Variants in HPGDS observed in about 807,000 individuals in gnomAD.
HPGDS encodes hematopoietic prostaglandin D synthase, also known as GST class-sigma.
Under a neutral mutation model 23.1 loss-of-function variants are expected in HPGDS, and 26 were observed. The observed-to-expected ratio is 1.13, with a 90% CI of 0.83 to 1.56. The LOEUF (loss-of-function observed/expected upper bound fraction) is 1.56, where lower values mean the gene tolerates loss of function less well. Ranked by LOEUF, HPGDS falls within the 40% of genes most tolerant of loss-of-function variation. The pLI is 0.00. For missense variants in HPGDS, 268 were observed against 236.4 expected (o/e 1.13, Z -0.88); for synonymous variants, 95 against 77.9 (o/e 1.22, Z -1.16).
rs115615750 is a variant in HPGDS, at chr4:94,335,652, A to T, written c.-9-1014T>A. On this transcript the variant is annotated intron_variant, in intron 1 of 5. Coordinates refer to ENST00000295256, the MANE Select transcript of HPGDS (RefSeq NM_014485.3). ...ATATAAGGTACGTAGCACAATGGCA[A>T]ACTTAATCATTAGCATCAGTAATAA... Among the ~76,000 whole-genome samples the T allele has an allele frequency of 7.8e-3, 1,184 of 152,300 alleles. 10 individuals are homozygous for T. Among genetic ancestry groups the T allele is most frequent in the African/African-American group, 0.027 (1,122 of 41,538 alleles).
chr4:94,314,903 T>A (rs1239076157), intron 3 of HPGDS, among the ~76,000 whole-genome samples: 1 of 152,210 alleles, frequency 6.6e-6, no homozygotes, highest in Non-Finnish European at 1.5e-5. Context: ...GTGCTAGCAA[T>A]GAGCAAGGCT....
At chr4:94,310,468 C>T (rs1406086246) in intron 3 of HPGDS, among the ~76,000 whole-genome samples, 2 of 152,274 alleles carry the variant, frequency 1.3e-5, no homozygotes, top group African/African-American at 2.4e-5. Context: ...TCTGAGGGCT[C>T]TGTTCTGTTC....
chr4:94,324,767 G>C (rs147644067), intron 2 of HPGDS, among the ~76,000 whole-genome samples: 1 of 152,116 alleles, frequency 6.6e-6, no homozygotes, highest in Non-Finnish European at 1.5e-5. Context: ...ATGTCAACTC[G>C]TCAAAGTCAT....
At chr4:94,323,960 G>A (rs1029757500) in intron 2 of HPGDS, among the ~76,000 whole-genome samples, 6 of 152,098 alleles carry the variant, frequency 3.9e-5, no homozygotes, top group African/African-American at 1.4e-4. Flanking sequence ...ACCTGGTATT[G>A]ACAAAATCTC....
At chr4:94,331,636 T>G (rs1756738201) in intron 2 of HPGDS, among the ~76,000 whole-genome samples, 1 of 152,178 alleles carries the variant, frequency 6.6e-6, no homozygotes, top group African/African-American at 2.4e-5. Flanking sequence ...GTTGTAGCCT[T>G]CTGATTGTAG....
At chr4:94,316,447 T>C (rs1756400324) in intron 3 of HPGDS, among the ~76,000 whole-genome samples, 1 of 54,646 alleles carries the variant, frequency 1.8e-5, no homozygotes, top group Non-Finnish European at 3.8e-5. Flanking sequence ...GATCTCTTAA[T>C]ATGCTTCCCT....
At chr4:94,337,814 T>A (rs376986870) in intron 1 of HPGDS, among the ~76,000 whole-genome samples, 6 of 152,376 alleles carry the variant, frequency 3.9e-5, no homozygotes, top group African/African-American at 1.4e-4. Context: ...TATTGTTAAT[T>A]TTCAAAATCA....
At chr4:94,335,629 A>G (rs893463529) in intron 1 of HPGDS, among the ~76,000 whole-genome samples, 7 of 152,222 alleles carry the variant, frequency 4.6e-5, no homozygotes, top group Non-Finnish European at 8.8e-5. Context: ...GGTAATACAT[A>G]TAAGGTACGT....
At chr4:94,300,754 A>G (rs1305815692) in intron 5 of HPGDS, among the ~76,000 whole-genome samples, 1 of 152,100 alleles carries the variant, frequency 6.6e-6, no homozygotes, top group Non-Finnish European at 1.5e-5. Context: ...CATGTGATGG[A>G]CTATGACATG....
chr4:94,322,188 C>T (rs993282541), intron 2 of HPGDS, among the ~76,000 whole-genome samples: 2 of 147,936 alleles, frequency 1.4e-5, no homozygotes, highest in African/African-American at 2.6e-5. Flanking sequence ...GAGGATTTTC[C>T]CATCGATGTT....
chr4:94,339,108 A>G (rs1269335069), intron 1 of HPGDS, among the ~76,000 whole-genome samples: 1 of 152,244 alleles, frequency 6.6e-6, no homozygotes, highest in Non-Finnish European at 1.5e-5. Flanking sequence ...TTCTGAGACA[A>G]TAGAGGGAAA....
chr4:94,327,570 G>C (rs62320439), intron 2 of HPGDS, among the ~76,000 whole-genome samples: 50,698 of 151,956 alleles, frequency 0.33, 9,918 homozygotes, highest in Non-Finnish European at 0.44. Context: ...GCTGGTCCCC[G>C]GGCTTCATAA....
intron 2 of HPGDS, among the ~76,000 whole-genome samples, chr4:94,325,063 C>G (rs778292736): frequency 1.3e-5 from 2 of 152,116 alleles, no homozygotes; most frequent in Non-Finnish European, 1.5e-5. Flanking sequence ...CACTCCAGAC[C>G]CTGTTTGCCA....
rs542904524 is a variant in HPGDS at position 94,309,510 on chromosome 4, T to C, written c.227-767A>G. 2.8e-3 allele frequency among the ~76,000 whole-genome samples: 426 copies of C among 152,276 alleles called. 2 individuals carry two copies. Among genetic ancestry groups the C allele is most frequent in the African/African-American group, 9.8e-3 (408 of 41,542 alleles). ...TTCCATGGTGTATATGTGCCACATT[T>C]TCTTAATCCAGTCTATCATTGTTGG... On this transcript the variant is annotated intron_variant, in intron 3 of 5. Transcript: ENST00000295256.
At chr4:94,312,784 G>A (rs1756303521) in intron 3 of HPGDS, among the ~76,000 whole-genome samples, 1 of 152,118 alleles carries the variant, frequency 6.6e-6, no homozygotes, top group African/African-American at 2.4e-5. Context: ...TCTCTTTGTA[G>A]GTCTCTAAGG....
intron 3 of HPGDS, among the ~76,000 whole-genome samples, chr4:94,314,191 T>C (rs1756343138): frequency 6.6e-6 from 1 of 152,224 alleles, no homozygotes; most frequent in African/African-American, 2.4e-5. Flanking sequence ...AGGAGCTGCG[T>C]TCCTTTGGAG....
In HPGDS at chr4:94,317,854, A is replaced by T. The variant is rs748002880; in HGVS notation, c.226+19T>A. 3 of 1,440,786 alleles carry T rather than the reference A, an allele frequency of 2.1e-6. No individual in the cohort carries two copies. Among genetic ancestry groups the T allele is most frequent in the East Asian group, 4.6e-5 (2 of 43,956 alleles). The allele number at this position is 1,440,786 out of a possible 1,614,324, so 89.3% of individuals were successfully genotyped here. ...TTTGTTTCAGTTATCAAAAATCTTA[A>T]GCACAATAAACATGTTACCTGTGTT... is the stretch of plus-strand genomic sequence containing the variant. On this transcript the variant is annotated intron_variant, in intron 3 of 5. Coordinates refer to ENST00000295256, the MANE Select transcript of HPGDS (RefSeq NM_014485.3).
At chr4:94,323,722 G>T (rs779518101) in intron 2 of HPGDS, among the ~76,000 whole-genome samples, 1 of 152,058 alleles carries the variant, frequency 6.6e-6, no homozygotes, top group African/African-American at 2.4e-5. Context: ...TATCCAGTTT[G>T]CCAGTCTGTG....
intron 5 of HPGDS, 40 bp downstream of exon 5, chr4:94,302,106 T>C (rs780370424): frequency 2.7e-6 from 4 of 1,461,986 alleles, no homozygotes; most frequent in Non-Finnish European, 3.8e-6. Flanking sequence ...GGTTTGTCCT[T>C]TTATTTGCTT....
Sources: gnomAD v4.1 joint callset for allele counts (sites outside exome capture counted in the v4.1 genomes callset) on GRCh38, gnomAD v4.1.1 for gene constraint, MANE v1.5 for transcripts, NCBI Gene and HGNC (gene_info 2026-07-23, HGNC 2026-07-21) for gene names.